SYT14: variants seen among roughly 807,000 people sequenced by gnomAD.
The protein encoded by SYT14 is synaptotagmin 14.
A neutral mutation model predicts 74.2 loss-of-function variants in SYT14; 32 were observed. The ratio of observed to expected loss-of-function variants is 0.43; its 90% confidence interval spans 0.33 to 0.58. SYT14 has a LOEUF of 0.58. SYT14 is among the 20% of genes least tolerant of loss of function. The probability of loss-of-function intolerance (pLI) is 0.05; values close to 1 mark genes in which losing one functional copy is unlikely to be tolerated. For missense variants in SYT14, 791 were observed against 981.8 expected (o/e 0.81, Z 2.60); for synonymous variants, 298 against 337.7 (o/e 0.88, Z 1.29).
At chr1:210,123,830 GAAA>G (rs1430828074) in intron 7 of SYT14, among the ~76,000 whole-genome samples, 2 of 152,062 alleles carry the variant, frequency 1.3e-5, no homozygotes, top group African/African-American at 4.8e-5. Flanking sequence ...TTATGCAACA[GAAA>G]GGGTCCATAA....
At chr1:210,079,266 C>G (rs1365600754) in intron 5 of SYT14, among the ~76,000 whole-genome samples, 2 of 151,930 alleles carry the variant, frequency 1.3e-5, no homozygotes, top group Non-Finnish European at 2.9e-5. Flanking sequence ...ACTATGTTCA[C>G]TATTTGTGGG....
chr1:210,021,041 A>T, exon 5 of SYT14: 1 of 1,613,824 alleles, frequency 6.2e-7, no homozygotes, highest in Non-Finnish European at 8.5e-7. Flanking sequence ...CCAAATAGAT[A>T]ATTCCTACAT....
At chr1:210,094,233 A>G in intron 5 of SYT14, 89 bp from the exon 5 acceptor site, 1 of 1,567,218 alleles carries the variant, frequency 6.4e-7, no homozygotes, top group Non-Finnish European at 8.7e-7. Flanking sequence ...TTTTTGATCC[A>G]GTTTTCAAAA....
intron 5 of SYT14, among the ~76,000 whole-genome samples, chr1:210,080,076 T>C (rs2081589840): frequency 6.6e-6 from 1 of 152,326 alleles, no homozygotes; most frequent in South Asian, 2.1e-4. Flanking sequence ...TTTTGTGAAG[T>C]TTTCTGAGGA....
rs763726086 is a variant in SYT14, at chr1:210,020,994, A to G, written c.1097-45A>G. 6 of 1,546,206 alleles carry G rather than the reference A, an allele frequency of 3.9e-6. No individual in the cohort carries two copies. In the African/African-American group the frequency reaches 6.8e-5, roughly 18 times the overall value. Reference sequence around the variant, plus strand: ...CAGTAGGGCCAGGTGAGGGGAGGGAATTTTTTTTTCAATTACCGTTTGTTC... The same window carrying G: ...CAGTAGGGCCAGGTGAGGGGAGGGAGTTTTTTTTTCAATTACCGTTTGTTC... On this transcript the variant is annotated intron_variant, in intron 4 of 9. Coordinates refer to ENST00000637265, the Ensembl canonical transcript of SYT14.
At chr1:210,143,630 G>T (rs1572373391) in intron 7 of SYT14, among the ~76,000 whole-genome samples, 1 of 152,014 alleles carries the variant, frequency 6.6e-6, no homozygotes, top group African/African-American at 2.4e-5. Flanking sequence ...CTTAAGTGAA[G>T]ACTCAAAATA....
At chr1:210,155,581 A>G in intron 7 of SYT14, 140 bp from the exon 7 acceptor site, 1 of 869,996 alleles carries the variant, frequency 1.1e-6, no homozygotes, top group Admixed American at 2.2e-5. Context: ...GCTAAGGACA[A>G]TAATTCTAAT....
intron 5 of SYT14, among the ~76,000 whole-genome samples, chr1:210,090,357 C>A (rs1295248361): frequency 1.4e-5 from 2 of 139,296 alleles, no homozygotes; most frequent in African/African-American, 6.2e-5. Context: ...TGGCAGATTT[C>A]CACAGGCACT....
chr1:209,996,638 G>A (rs1412367879), intron 2 of SYT14, among the ~76,000 whole-genome samples: 1 of 151,888 alleles, frequency 6.6e-6, no homozygotes, highest in Non-Finnish European at 1.5e-5. Flanking sequence ...ACCAAAACCT[G>A]GCAAAGACAC....
chr1:209,957,262 C>T (rs944587508), intron 2 of SYT14, among the ~76,000 whole-genome samples: 9 of 152,086 alleles, frequency 5.9e-5, no homozygotes, highest in Non-Finnish European at 1.3e-4. Flanking sequence ...CTTTTCTCTT[C>T]CTTTGTTTAC....
chr1:210,118,929 T>G (rs1447864871), intron 7 of SYT14, among the ~76,000 whole-genome samples: 1 of 152,294 alleles, frequency 6.6e-6, no homozygotes, highest in East Asian at 1.9e-4. Flanking sequence ...CCCATCATGC[T>G]AATCTAAAAT....
Position 210,070,260 on chromosome 1 carries a change from ACT to A in SYT14, c.1313-24059_1313-24058del, listed in dbSNP as rs1558167500. Among the ~76,000 whole-genome samples the A allele has an allele frequency of 7.2e-5, 11 of 152,062 alleles. No homozygotes were observed. The South Asian group carries it at 2.3e-3, about 32-fold the overall frequency. On this transcript the variant is annotated intron_variant, in intron 5 of 9. Coordinates refer to ENST00000637265, the Ensembl canonical transcript of SYT14. ...TGGATCTCAAATATGAAAAGGTAAA[ACT>A]CTGTTAGAGTATCTAGACTTTCAAG...
intron 7 of SYT14, among the ~76,000 whole-genome samples, chr1:210,111,650 T>G (rs1424954665): frequency 6.6e-6 from 1 of 151,042 alleles, no homozygotes; most frequent in Non-Finnish European, 1.5e-5. Flanking sequence ...TACTGTAGGG[T>G]TGTTAGAAGA....
intron 7 of SYT14, among the ~76,000 whole-genome samples, chr1:210,112,864 T>C (rs1011071585): frequency 1.9e-4 from 29 of 151,474 alleles, no homozygotes; most frequent in Admixed American, 8.5e-4. Flanking sequence ...ATGTAGTCTT[T>C]TGCAAGAGTG....
intron 1 of SYT14, among the ~76,000 whole-genome samples, chr1:209,949,239 T>G (rs2078871375): frequency 6.6e-6 from 1 of 152,178 alleles, no homozygotes. Flanking sequence ...ATGCATGTTT[T>G]TTTCCTTATA....
intron 6 of SYT14, among the ~76,000 whole-genome samples, chr1:210,099,420 A>T (rs2082020815): frequency 6.6e-6 from 1 of 152,208 alleles, no homozygotes; most frequent in Non-Finnish European, 1.5e-5. Flanking sequence ...AAGTAAATAC[A>T]GTCTATGTTA....
chr1:210,091,187 G>A (rs758272763), intron 5 of SYT14, among the ~76,000 whole-genome samples: 13 of 152,070 alleles, frequency 8.5e-5, no homozygotes, highest in African/African-American at 1.4e-4. Flanking sequence ...CTAAACTAGC[G>A]CCAGATGCCT....
In SYT14 at chr1:210,002,842, C is replaced by T. The variant is rs548816411; in HGVS notation, c.-485-10791C>T. 2.0e-5 allele frequency among the ~76,000 whole-genome samples: 3 copies of T among 151,936 alleles called. No individual in the cohort carries two copies. In the East Asian group the frequency reaches 5.8e-4, roughly 29 times the overall value. ...TTATGTATTTAGATATGAGCCTTTT[C>T]CTCCTGATTATGTGTTGCAAATACA... On this transcript the variant is annotated intron_variant, in intron 2 of 9. Transcript: ENST00000637265.
intron 5 of SYT14, among the ~76,000 whole-genome samples, chr1:210,064,251 GTTA>G (rs2102420234): frequency 6.6e-6 from 1 of 151,934 alleles, no homozygotes; most frequent in South Asian, 2.1e-4. Flanking sequence ...TTAAAAATCT[GTTA>G]TTTATTTCTT....
Sources: allele counts gnomAD v4.1 joint callset (sites outside exome capture counted in the v4.1 genomes callset), GRCh38; gene constraint gnomAD v4.1.1; transcripts MANE v1.5; gene names NCBI Gene and HGNC (gene_info 2026-07-23, HGNC 2026-07-21).